The following PTK2B variants were observed in gnomAD, a reference collection of about 807,000 sequenced individuals.
PTK2B encodes the protein protein tyrosine kinase 2 beta.
Under a neutral mutation model 142.9 loss-of-function variants are expected in PTK2B, and 71 were observed. The observed-to-expected ratio is 0.50, with a 90% CI of 0.41 to 0.61. The LOEUF (loss-of-function observed/expected upper bound fraction) is 0.61, where lower values mean the gene tolerates loss of function less well. Among genes scored for constraint, PTK2B ranks in the 20% least tolerant of loss-of-function variants. The pLI is 0.00. For synonymous variants in PTK2B, 519 were observed against 503.4 expected (o/e 1.03, Z -0.42); for missense variants, 1,105 against 1,320.4 (o/e 0.84, Z 2.53).
At chr8:27,325,831 C>T (rs1046550439) in intron 1 of PTK2B, 150 bp downstream of exon 1, 11 of 152,348 alleles carry the variant, frequency 7.2e-5, no homozygotes, top group African/African-American at 2.4e-4. Context: ...AAATCGGAGC[C>T]GTGGGTGCTG....
chr8:27,401,814 G>A (rs1808401892), intron 2 of PTK2B, among the ~76,000 whole-genome samples: 1 of 152,072 alleles, frequency 6.6e-6, no homozygotes, highest in Non-Finnish European at 1.5e-5. Context: ...AATGTTATGT[G>A]GCTATTACAT....
intron 1 of PTK2B, among the ~76,000 whole-genome samples, chr8:27,392,105 G>T (rs1807760687): frequency 6.6e-6 from 1 of 152,182 alleles, no homozygotes; most frequent in Non-Finnish European, 1.5e-5. Flanking sequence ...AAAGGCCAGA[G>T]ATAGGCTATT....
chr8:27,431,818 C>T (rs187188591), intron 9 of PTK2B, among the ~76,000 whole-genome samples: 1 of 152,322 alleles, frequency 6.6e-6, no homozygotes, highest in African/African-American at 2.4e-5. Context: ...GTCCTGGCTC[C>T]ACTGCCAGCT....
intron 20 of PTK2B, 106 bp from the exon 21 acceptor site, chr8:27,440,131 C>T (rs1366675698): frequency 2.2e-5 from 26 of 1,182,428 alleles, no homozygotes; most frequent in Middle Eastern, 5.4e-4. Flanking sequence ...GAGGAGGGAC[C>T]GCAGGAGCTG....
At chr8:27,426,394 C>T (rs1185250582) in intron 5 of PTK2B, among the ~76,000 whole-genome samples, 1 of 152,206 alleles carries the variant, frequency 6.6e-6, no homozygotes, top group Non-Finnish European at 1.5e-5. Context: ...CACTAGAGGG[C>T]ACTCCAGGTA....
Position 27,430,162 on chromosome 8 carries a change from T to C in PTK2B, c.614+7T>C. ...CCAACTTCGAGCTCCTAGAGTAAGT[T>C]CTGGGATCACCCATCTCCCCTCCCT... On this transcript the variant is annotated splice_region_variant and intron_variant, in intron 6 of 30. Coordinates refer to ENST00000346049, the MANE Select transcript of PTK2B (RefSeq NM_173176.3). The C allele has an allele frequency of 6.2e-7, 1 of 1,611,762 alleles. No homozygotes were observed. Among genetic ancestry groups the C allele is most frequent in the Non-Finnish European group, 8.5e-7 (1 of 1,177,888 alleles).
rs760216861 is a variant in PTK2B, at chr8:27,440,453, G to GTGTGGGC, written c.2039+22_2039+28dup. The GTGTGGGC allele has an allele frequency of 7.4e-5, 119 of 1,612,676 alleles. No homozygotes were observed. The highest frequency in any genetic ancestry group is 8.9e-5 in the Non-Finnish European group (105 of 1,179,858). On this transcript the variant is annotated intron_variant, in intron 21 of 30. Coordinates refer to ENST00000346049, the MANE Select transcript of PTK2B (RefSeq NM_173176.3). ...GTGTGCAGCCTCAGGTGAGCATGGA[G>GTGTGGGC]TGTGGGCTGTGGGCTGGGGGCCCAC... is the stretch of plus-strand genomic sequence containing the variant.
intron 21 of PTK2B, 118 bp from the exon 22 acceptor site, chr8:27,442,757 A>G (rs1811232090): frequency 3.8e-6 from 3 of 793,676 alleles, no homozygotes; most frequent in East Asian, 2.6e-5. Context: ...CGAAACGGAA[A>G]TGGGACCTAG....
intron 30 of PTK2B, among the ~76,000 whole-genome samples, chr8:27,457,185 C>T (rs11988689): frequency 8.8e-4 from 134 of 152,352 alleles, no homozygotes; most frequent in African/African-American, 3.1e-3. Context: ...CAATGCCTGT[C>T]TTCAAAGCTT....
Position 27,451,509 on chromosome 8 carries a change from C to A in PTK2B, c.2548C>A (p.Leu850Met). The change falls in exon 27 of 31, where the codon CTG becomes ATG. Residue 850 changes from leucine to methionine, a missense_variant and splice_region_variant. Physicochemically the swap from Leu to Met is conservative, Grantham distance 15 (BLOSUM62 2). Coordinates refer to ENST00000346049, the MANE Select transcript of PTK2B (RefSeq NM_173176.3). ...GACGCCAGAGAAGGAGGTCGGCTAC[C>A]GTGAGTGTTCCCGCCCTTCTTCGGG... ...PLTPEKEVGY[L>M]EFTGPPQKPP... The A allele has an allele frequency of 6.2e-7, 1 of 1,614,160 alleles. No individual in the cohort carries two copies. Among genetic ancestry groups the A allele is most frequent in the African/African-American group, 1.3e-5 (1 of 75,054 alleles).
At chr8:27,376,276 G>A (rs546354691) in intron 1 of PTK2B, among the ~76,000 whole-genome samples, 4 of 152,342 alleles carry the variant, frequency 2.6e-5, no homozygotes, top group East Asian at 3.9e-4. Context: ...GCCATTGGCC[G>A]TTCTGGGAGG....
At chr8:27,328,938 C>T (rs1217490253) in intron 1 of PTK2B, among the ~76,000 whole-genome samples, 1 of 141,350 alleles carries the variant, frequency 7.1e-6, no homozygotes, top group East Asian at 2.0e-4. Context: ...CCCTTGCGTG[C>T]AACCTTTTTT....
upstream of PTK2B, among the ~76,000 whole-genome samples, chr8:27,324,692 G>A (rs1483355985): frequency 6.6e-6 from 1 of 152,206 alleles, no homozygotes; most frequent in Non-Finnish European, 1.5e-5. Context: ...ATCCTGCACA[G>A]GACACAGAAT....
intron 1 of PTK2B, among the ~76,000 whole-genome samples, chr8:27,354,861 C>G (rs1269111407): frequency 6.6e-6 from 1 of 152,018 alleles, no homozygotes; most frequent in Non-Finnish European, 1.5e-5. Flanking sequence ...AACCCAATGT[C>G]AATATTAGGG....
chr8:27,421,682 C>T (rs75895489), intron 4 of PTK2B, among the ~76,000 whole-genome samples: 1 of 152,194 alleles, frequency 6.6e-6, no homozygotes, highest in East Asian at 1.9e-4. Flanking sequence ...ATACCACCCC[C>T]CTCCTCAGCC....
rs768171536 is a variant in PTK2B, at chr8:27,456,107, CCATTCATT to C, written c.2814+1512_2814+1519del. ...AGCTCCTTACCCTTGGGATGCCAAC[CCATTCATT>C]CATTCATTCATTCATCTACTTCATT... On this transcript the variant is annotated intron_variant, in intron 30 of 30. Transcript: ENST00000346049. Among the ~76,000 whole-genome samples, 17 of 152,322 alleles carry C rather than the reference CCATTCATT, an allele frequency of 1.1e-4. No homozygotes were observed. In the South Asian group the frequency reaches 2.3e-3, roughly 20 times the overall value.
chr8:27,381,371 C>T (rs866663108), intron 1 of PTK2B, among the ~76,000 whole-genome samples: 2 of 152,196 alleles, frequency 1.3e-5, no homozygotes, highest in Admixed American at 6.5e-5. Context: ...ATTATAACCA[C>T]GATTCTGTCT....
In PTK2B at chr8:27,440,444, G is replaced by A. The variant is rs762131122; in HGVS notation, c.2039+3G>A. 1 of 1,613,356 alleles carries A rather than the reference G, an allele frequency of 6.2e-7. No individual in the cohort carries two copies. The highest frequency in any genetic ancestry group is 1.7e-5 in the Admixed American group (1 of 60,028). The stretch of plus-strand genomic sequence containing the variant: ...ACCGAGCTGGTGTGCAGCCTCAGGT[G>A]AGCATGGAGTGTGGGCTGTGGGCTG... On this transcript the variant is annotated splice_donor_region_variant and intron_variant, in intron 21 of 30. Coordinates refer to ENST00000346049, the MANE Select transcript of PTK2B (RefSeq NM_173176.3).
intron 1 of PTK2B, among the ~76,000 whole-genome samples, chr8:27,374,188 T>C (rs1806528864): frequency 6.6e-6 from 1 of 152,194 alleles, no homozygotes; most frequent in Non-Finnish European, 1.5e-5. Flanking sequence ...GCAGTGCACA[T>C]AGACAATAGA....
Sources: gnomAD v4.1 joint callset for allele counts (sites outside exome capture counted in the v4.1 genomes callset) on GRCh38, gnomAD v4.1.1 for gene constraint, MANE v1.5 for transcripts, NCBI Gene and HGNC (gene_info 2026-07-23, HGNC 2026-07-21) for gene names.